PCYT2: variants seen among roughly 807,000 people sequenced by gnomAD.
PCYT2 encodes phosphate cytidylyltransferase 2, ethanolamine.
In PCYT2, 33 loss-of-function variants were observed where a neutral mutation model predicts 50.0. The ratio of observed to expected loss-of-function variants is 0.66; its 90% CI spans 0.50 to 0.88. The LOEUF (loss-of-function observed/expected upper bound fraction) is 0.88, where lower values mean the gene tolerates loss of function less well. Among genes scored for constraint, PCYT2 ranks in the 40% least tolerant of loss-of-function variants. The probability of loss-of-function intolerance (pLI) is 0.00; values close to 1 mark genes in which losing one functional copy is unlikely to be tolerated. For missense variants in PCYT2, 430 were observed against 519.7 expected (o/e 0.83, Z 1.68); for synonymous variants, 240 against 203.7 (o/e 1.18, Z -1.52).
rs997840047 is a variant in PCYT2, at chr17:81,902,343, C to T, written c.*2490G>A. On this transcript the variant is annotated 3_prime_UTR_variant, in exon 13 of 13. Coordinates refer to ENST00000538936, the MANE Select transcript of PCYT2 (RefSeq NM_002861.5). ...TGTGCCTGCTGCTGGCGCCGCCTGG[C>T]CTCGCGTGGTACAAGCCAGCGGCGG... 2 of 1,340,602 alleles carry T rather than the reference C, an allele frequency of 1.5e-6. No homozygotes were observed. Among genetic ancestry groups the T allele is most frequent in the Non-Finnish European group, 1.9e-6 (2 of 1,054,496 alleles). 83.0% of individuals were successfully genotyped at this position (1,340,602 alleles called of 1,614,324 possible). A position where few individuals can be genotyped will look rare whatever the true frequency, so the allele number is the denominator to read the frequency against.
chr17:81,907,736 C>G, intron 5 of PCYT2, 37 bp downstream of exon 5: 1 of 1,604,330 alleles, frequency 6.2e-7, no homozygotes, highest in South Asian at 1.1e-5. Context: ...CTGGAGACCT[C>G]GACCCAGGGG....
chr17:81,905,004 C>T, intron 12 of PCYT2, 60 bp from the exon 13 acceptor site: 2 of 1,585,022 alleles, frequency 1.3e-6, no homozygotes, highest in Non-Finnish European at 1.7e-6. Context: ...AGGGGGAGGG[C>T]ACGGTAAGTC....
intron 4 of PCYT2, 61 bp downstream of exon 4, chr17:81,908,507 G>T: frequency 7.6e-7 from 1 of 1,321,072 alleles, no homozygotes; most frequent in Non-Finnish European, 1.1e-6. Context: ...AGCAAAGCAC[G>T]AGCCAGGAGG....
At chr17:81,907,954 C>G in intron 4 of PCYT2, 97 bp from the exon 5 acceptor site, 1 of 1,012,672 alleles carries the variant, frequency 9.9e-7, no homozygotes, top group East Asian at 2.5e-5. Context: ...CCTGCTGTGG[C>G]AGAACCCACG....
In PCYT2 at chr17:81,902,892, G is replaced by A. The variant is rs1598310617; in HGVS notation, c.*1941C>T. Reference sequence around the variant, plus strand: ...GTTAATGGCAAACGAATAAATAAATGAGGCGGCCTCGGAGTGAGGGGTGCT... The same window carrying A: ...GTTAATGGCAAACGAATAAATAAATAAGGCGGCCTCGGAGTGAGGGGTGCT... On this transcript the variant is annotated 3_prime_UTR_variant, in exon 13 of 13. Coordinates refer to ENST00000538936, the MANE Select transcript of PCYT2 (RefSeq NM_002861.5). 4.4e-5 allele frequency: 31 copies of A among 712,418 alleles called. No homozygotes were observed. The East Asian group carries it at 1.0e-3, about 23-fold the overall frequency. The allele number at this position is 712,418 out of a possible 1,614,324, so 44.1% of individuals were successfully genotyped here. A position where few individuals can be genotyped will look rare whatever the true frequency, so the allele number is the denominator to read the frequency against.
intron 6 of PCYT2, 125 bp from the exon 7 acceptor site, chr17:81,907,023 G>A (rs1374179059): frequency 3.3e-6 from 4 of 1,226,014 alleles, no homozygotes; most frequent in South Asian, 1.4e-5. Flanking sequence ...CTCGGGCAGG[G>A]GACACACTGC....
chr17:81,905,739 T>G lies in PCYT2; in HGVS notation c.838-4A>C. 2 of 1,613,286 alleles carry G rather than the reference T, an allele frequency of 1.2e-6. No individual in the cohort carries two copies. The highest frequency in any genetic ancestry group is 2.2e-5 in the South Asian group (2 of 91,078). On this transcript the variant is annotated splice_polypyrimidine_tract_variant and splice_region_variant and intron_variant, in intron 9 of 12. Coordinates refer to ENST00000538936, the MANE Select transcript of PCYT2 (RefSeq NM_002861.5). ...CAATCACCACTTCTGACACGTACTG[T>G]GGGGACAGTGGGGGCAGAAAGACTT...
In PCYT2 at chr17:81,906,494, G is replaced by A; in HGVS notation, c.729C>T (p.Pro243=). The part of the protein sequence containing the change: ...LEKVHRLAER[P]YIIAGLHFDQ... ...CAAAGTGTAAGCCCGCGATGATGTAGGGCCTCTCTGCCAGCCTGTGCACCT... is the reference window on the plus strand; with the variant it reads ...CAAAGTGTAAGCCCGCGATGATGTAAGGCCTCTCTGCCAGCCTGTGCACCT... Residue 243 remains proline, a synonymous_variant, in exon 8 of 13, where the codon CCC becomes CCT. Transcript: ENST00000538936. 1 of 1,613,544 alleles carries A rather than the reference G, an allele frequency of 6.2e-7. No individual in the cohort carries two copies. Among genetic ancestry groups the A allele is most frequent in the Non-Finnish European group, 8.5e-7 (1 of 1,179,952 alleles).
At chr17:81,910,832 G>A (rs2040557659) in intron 1 of PCYT2, 2 of 955,596 alleles carry the variant, frequency 2.1e-6, no homozygotes, top group African/African-American at 3.5e-5. Flanking sequence ...CTAGCCCCGC[G>A]GAGGAGGACC....
At chr17:81,907,196 C>T (rs2040320665) in intron 6 of PCYT2, 3 of 1,529,074 alleles carry the variant, frequency 2.0e-6, no homozygotes, top group Non-Finnish European at 2.6e-6. Flanking sequence ...AGACCACTGT[C>T]TGGTCACCTG....
rs771923715 is a variant in PCYT2, at chr17:81,902,691, C to T, written c.*2142G>A. ...GGCTCCCCGACGGCCGCGGGACCTA[C>T]CAGTGCAAGGCGAACGTCTTCCTGT... On this transcript the variant is annotated 3_prime_UTR_variant, in exon 13 of 13. Coordinates refer to ENST00000538936, the MANE Select transcript of PCYT2 (RefSeq NM_002861.5). 2 of 1,608,994 alleles carry T rather than the reference C, an allele frequency of 1.2e-6. No homozygotes were observed. Among genetic ancestry groups the T allele is most frequent in the East Asian group, 2.2e-5 (1 of 44,662 alleles).
At chr17:81,906,951 C>T (rs2040306347) in intron 6 of PCYT2, 53 bp from the exon 7 acceptor site, 4 of 1,576,160 alleles carry the variant, frequency 2.5e-6, no homozygotes, top group Admixed American at 3.5e-5. Flanking sequence ...CAGGTGCTGC[C>T]CTCACCAGGT....
rs778424850 is a variant in PCYT2 at position 81,907,198 on chromosome 17, G to A, written c.538-300C>T. On this transcript the variant is annotated intron_variant, in intron 6 of 12. Transcript: ENST00000538936. Reference sequence around the variant, plus strand: ...ACCTGGTACCCTGAGACCACTGTCTGGTCACCTGGGAGCAGCCTTCTGAGG... The same window carrying A: ...ACCTGGTACCCTGAGACCACTGTCTAGTCACCTGGGAGCAGCCTTCTGAGG... 2 of 1,530,020 alleles carry A rather than the reference G, an allele frequency of 1.3e-6. 1 individual carries two copies. The highest frequency in any genetic ancestry group is 2.4e-5 in the South Asian group (2 of 83,334). 94.8% of individuals were successfully genotyped at this position (1,530,020 alleles called of 1,614,324 possible).
intron 8 of PCYT2, 69 bp downstream of exon 8, chr17:81,906,395 C>A: frequency 6.7e-7 from 1 of 1,485,228 alleles, no homozygotes; most frequent in Non-Finnish European, 9.4e-7. Flanking sequence ...CTGCACCTAA[C>A]AGCAACGCTT....
In PCYT2 at chr17:81,904,938, C is replaced by T. The variant is rs1193619829; in HGVS notation, c.1065G>A (p.Glu355=). ...IVQRIITNRL[E]YEARNQKKEA... ...CCTTCTTCTGGTTTCGCGCCTCATA[C>T]TCCAACCTGAGAGGGCAGGGTAAGT... is the stretch of plus-strand genomic sequence containing the variant. The change falls in exon 13 of 13, where the codon GAG becomes GAA. Residue 355 remains glutamate, a synonymous_variant. Coordinates refer to ENST00000538936, the MANE Select transcript of PCYT2 (RefSeq NM_002861.5). 1 of 1,608,840 alleles carries T rather than the reference C, an allele frequency of 6.2e-7. No homozygotes were observed. Among genetic ancestry groups the T allele is most frequent in the Non-Finnish European group, 8.5e-7 (1 of 1,177,204 alleles).
intron 4 of PCYT2, 22 bp downstream of exon 4, chr17:81,908,546 C>T (rs1222367728): frequency 1.3e-5 from 21 of 1,601,242 alleles, no homozygotes; most frequent in Non-Finnish European, 1.8e-5. Context: ...CCTGGATGGC[C>T]AGGCCCGCGG....
Position 81,902,624 on chromosome 17 carries a change from T to G in PCYT2, c.*2209A>C. Reference sequence around the variant, plus strand: ...CTTTGCTTGCCTGCCCCCCAGGCTGTGTGCGTCCAGGACGTCGCCCCAAAC... The same window carrying G: ...CTTTGCTTGCCTGCCCCCCAGGCTGGGTGCGTCCAGGACGTCGCCCCAAAC... On this transcript the variant is annotated 3_prime_UTR_variant, in exon 13 of 13. Coordinates refer to ENST00000538936, the MANE Select transcript of PCYT2 (RefSeq NM_002861.5). The G allele has an allele frequency of 6.3e-7, 1 of 1,591,708 alleles. No individual in the cohort carries two copies. The highest frequency in any genetic ancestry group is 8.5e-7 in the Non-Finnish European group (1 of 1,172,514).
chr17:81,907,192 C>A, intron 6 of PCYT2: 1 of 1,527,156 alleles, frequency 6.5e-7, no homozygotes, highest in South Asian at 1.2e-5. Context: ...CCTGAGACCA[C>A]TGTCTGGTCA....
chr17:81,907,005 C>G, intron 6 of PCYT2, 107 bp from the exon 7 acceptor site: 1 of 1,343,046 alleles, frequency 7.4e-7, no homozygotes, highest in Non-Finnish European at 1.0e-6. Flanking sequence ...CCATTTCCAG[C>G]CAGTCATCTC....
Sources: gnomAD v4.1 joint callset for allele counts on GRCh38, gnomAD v4.1.1 for gene constraint, MANE v1.5 for transcripts, NCBI Gene and HGNC (gene_info 2026-07-23, HGNC 2026-07-21) for gene names.